Variants in WDPCP observed in about 807,000 individuals in gnomAD.
WDPCP encodes WD repeat-containing and planar cell polarity effector protein fritz homolog.
In WDPCP, 71 loss-of-function variants were observed where a neutral mutation model predicts 93.1. The observed-to-expected ratio is 0.76, with a 90% CI of 0.63 to 0.93. The LOEUF is 0.93. Among genes scored for constraint, WDPCP ranks in the 40% least tolerant of loss-of-function variants. The pLI is 0.00. For missense variants in WDPCP, 844 were observed against 887.4 expected, an observed-to-expected ratio of 0.95 and a Z score of 0.62; for synonymous variants, 315 against 315.0, an observed-to-expected ratio of 1.00 and a Z score of 0.00.
At chr2:63,435,293 C>T (rs1316969859) in intron 8 of WDPCP, among the ~76,000 whole-genome samples, 1 of 152,100 alleles carries the variant, frequency 6.6e-6, no homozygotes, top group East Asian at 1.9e-4. Flanking sequence ...AAGAATTAAA[C>T]TATGGTACAG....
At chr2:63,312,079 A>G (rs1002775550) in intron 13 of WDPCP, among the ~76,000 whole-genome samples, 1 of 152,166 alleles carries the variant, frequency 6.6e-6, no homozygotes, top group African/African-American at 2.4e-5. Context: ...TTTGATGAAA[A>G]TAATAAAATC....
intron 12 of WDPCP, among the ~76,000 whole-genome samples, chr2:63,342,813 C>T (rs1362130290): frequency 1.3e-5 from 2 of 152,116 alleles, no homozygotes; most frequent in Non-Finnish European, 2.9e-5. Flanking sequence ...ATGTAGTTAT[C>T]TTTACACGTT....
rs1169029506 is a variant in WDPCP at position 63,575,515 on chromosome 2, T to C, written c.75+12682A>G. 3.0e-4 allele frequency among the ~76,000 whole-genome samples: 24 copies of C among 79,654 alleles called. 5 individuals are homozygous for C. Among genetic ancestry groups the C allele is most frequent in the African/African-American group, 1.3e-3 (23 of 17,616 alleles). The allele number at this position is 79,654 out of a possible 152,430, so 52.3% of individuals were successfully genotyped here. ...GTATATACAGTATATACACTGTATA[T>C]ATAGTATATACAGTATATACACTGT... On this transcript the variant is annotated intron_variant, in intron 1 of 17. Coordinates refer to ENST00000272321, the MANE Select transcript of WDPCP (RefSeq NM_015910.7).
chr2:63,575,227 T>G (rs1045620516), intron 1 of WDPCP, among the ~76,000 whole-genome samples: 1 of 150,888 alleles, frequency 6.6e-6, no homozygotes, highest in East Asian at 2.0e-4. Flanking sequence ...AGTCTAGAAA[T>G]GTATTGTTCT....
chr2:63,634,580 G>T (rs1709902186), intron 3 of WDPCP, among the ~76,000 whole-genome samples: 3 of 152,030 alleles, frequency 2.0e-5, no homozygotes, highest in African/African-American at 4.8e-5. Context: ...TTCATCTCAA[G>T]CACACATGGA....
chr2:63,225,897 A>G (rs1249629988), intron 14 of WDPCP, among the ~76,000 whole-genome samples: 4 of 151,900 alleles, frequency 2.6e-5, no homozygotes, highest in Non-Finnish European at 5.9e-5. Context: ...CCTTTGCAGT[A>G]TAAGAAGATG....
At chr2:63,213,601 C>T (rs895788479) in intron 14 of WDPCP, among the ~76,000 whole-genome samples, 24 of 151,776 alleles carry the variant, frequency 1.6e-4, no homozygotes, top group African/African-American at 5.3e-4. Context: ...AAAGCGAGCA[C>T]AAGGCAAGAA....
intron 2 of WDPCP, among the ~76,000 whole-genome samples, chr2:63,674,526 G>T (rs571745222): frequency 6.6e-6 from 1 of 152,290 alleles, no homozygotes; most frequent in South Asian, 2.1e-4. Context: ...GGAGTAGAAT[G>T]ATAATTTTGT....
At chr2:63,740,094 G>A (rs1669692155) in intron 2 of WDPCP, among the ~76,000 whole-genome samples, 1 of 152,016 alleles carries the variant, frequency 6.6e-6, no homozygotes, top group Non-Finnish European at 1.5e-5. Flanking sequence ...CTATTGATGA[G>A]CATTTGGATT....
At chr2:63,324,033 C>G (rs1687332633) in intron 12 of WDPCP, among the ~76,000 whole-genome samples, 1 of 151,942 alleles carries the variant, frequency 6.6e-6, no homozygotes, top group South Asian at 2.1e-4. Context: ...CCAATTTGAC[C>G]CACAAACCCT....
intron 9 of WDPCP, 134 bp from the exon 10 acceptor site, chr2:63,404,791 A>G (rs1694441394): frequency 1.9e-6 from 2 of 1,032,240 alleles, no homozygotes; most frequent in Admixed American, 4.1e-5. Flanking sequence ...ACATACAAGT[A>G]TATAAAGTAC....
At chr2:63,138,364 A>C (rs1356394739) in intron 17 of WDPCP, among the ~76,000 whole-genome samples, 2 of 151,974 alleles carry the variant, frequency 1.3e-5, no homozygotes, top group East Asian at 3.9e-4. Context: ...AACCTTGGCA[A>C]CGCCAGATAT....
At chr2:63,519,320 C>G (rs1702769075) in intron 1 of WDPCP, 1 of 152,540 alleles carries the variant, frequency 6.6e-6, no homozygotes, top group African/African-American at 2.4e-5. Flanking sequence ...CTGCCAGTGC[C>G]CTGGGTCACC....
At chr2:63,649,882 C>T (rs1276292900) in intron 3 of WDPCP, among the ~76,000 whole-genome samples, 1 of 152,112 alleles carries the variant, frequency 6.6e-6, no homozygotes, top group African/African-American at 2.4e-5. Flanking sequence ...TGTTCAGAAA[C>T]CAAAGAGACA....
chr2:63,357,021 G>A lies in WDPCP; in HGVS notation c.1748+21365C>T, dbSNP rs551127391. Among the ~76,000 whole-genome samples the A allele has an allele frequency of 2.6e-5, 4 of 152,234 alleles. No individual in the cohort carries two copies. The East Asian group carries it at 5.8e-4, about 22-fold the overall frequency. ...AACAAAGGACAAATATAAGCAATGG[G>A]GAAGAGAGTATCTATTCAATAAATG... On this transcript the variant is annotated intron_variant, in intron 12 of 17. Transcript: ENST00000272321.
At chr2:63,693,469 A>AGATT (rs1668918664) in intron 2 of WDPCP, among the ~76,000 whole-genome samples, 1 of 151,946 alleles carries the variant, frequency 6.6e-6, no homozygotes. Flanking sequence ...ATAGATAGAT[A>AGATT]GATAGATAGA....
chr2:63,592,288 A>T (rs956093595), upstream of WDPCP, among the ~76,000 whole-genome samples: 1 of 152,224 alleles, frequency 6.6e-6, no homozygotes, highest in Non-Finnish European at 1.5e-5. Context: ...GTGGTCACTA[A>T]GTTTCCAGTT....
At chr2:63,562,291 T>G (rs551627959) in intron 1 of WDPCP, among the ~76,000 whole-genome samples, 7 of 152,188 alleles carry the variant, frequency 4.6e-5, no homozygotes, top group Admixed American at 3.9e-4. Flanking sequence ...ACACCACATA[T>G]TCTCACTTAT....
chr2:63,338,568 AAATATATATAT>A (rs1211755195), intron 12 of WDPCP, among the ~76,000 whole-genome samples: 5 of 7,660 alleles, frequency 6.5e-4, no homozygotes, highest in Non-Finnish European at 8.3e-4. Flanking sequence ...AAAAAAAAAA[AAATATATATAT>A]ATATATATAT....
Sources: allele counts gnomAD v4.1 joint callset (sites outside exome capture counted in the v4.1 genomes callset), GRCh38; gene constraint gnomAD v4.1.1; transcripts MANE v1.5; gene names NCBI Gene and HGNC (gene_info 2026-07-23, HGNC 2026-07-21).